Variants in PNMT observed in about 807,000 individuals in gnomAD.
The protein encoded by PNMT is phenylethanolamine N-methyltransferase.
Under a neutral mutation model 18.9 loss-of-function variants are expected in PNMT, and 18 were observed. That is an observed-to-expected ratio of 0.95 (90% CI 0.66 to 1.41). The LOEUF (loss-of-function observed/expected upper bound fraction) is 1.41, where lower values mean the gene tolerates loss of function less well. PNMT is among the 40% of genes most tolerant of loss of function. The pLI, the probability that PNMT is intolerant of heterozygous loss-of-function variation, is 0.00. For missense variants in PNMT, 378 were observed against 387.0 expected, an observed-to-expected ratio of 0.98 and a Z score of 0.20; for synonymous variants, 167 against 168.6, an observed-to-expected ratio of 0.99 and a Z score of 0.08.
Position 39,669,646 on chromosome 17 carries a change from A to G in PNMT, c.220A>G (p.Thr74Ala), listed in dbSNP as rs750742633. Reference protein sequence around the residue: ...TFATGEVSGRTLIDIGSGPTV... With the variant: ...TFATGEVSGRALIDIGSGPTV... ...CTGCCCAGGTGAAGTGTCCGGACGC[A>G]CCCTCATCGACATTGGTTCAGGCCC... is the stretch of plus-strand genomic sequence containing the variant. Residue 74 changes from threonine to alanine, a missense_variant, in exon 2 of 3, where the codon ACC (threonine) becomes GCC (alanine). Transcript: ENST00000269582. The G allele has an allele frequency of 2.5e-6, 4 of 1,613,932 alleles. No homozygotes were observed. The Admixed American group carries it at 6.7e-5, about 27-fold the overall frequency.
rs765721857 is a variant in PNMT at position 39,670,353 on chromosome 17, C to T, written c.813C>T (p.Gly271=). Residue 271 remains glycine, a synonymous_variant, in exon 3 of 3, where the codon GGC becomes GGT. Coordinates refer to ENST00000269582, the MANE Select transcript of PNMT (RefSeq NM_002686.4). The part of the protein sequence containing the change: ...HLQTGVDDVK[G]VFFAWAQKVG... Reference sequence around the variant, plus strand: ...AGACAGGCGTAGATGATGTCAAGGGCGTCTTCTTCGCCTGGGCTCAGAAGG... The same window carrying T: ...AGACAGGCGTAGATGATGTCAAGGGTGTCTTCTTCGCCTGGGCTCAGAAGG... 78 of 1,595,876 alleles carry T rather than the reference C, an allele frequency of 4.9e-5. No homozygotes were observed. In the Middle Eastern group the frequency reaches 5.0e-4, roughly 10 times the overall value.
At chr17:39,668,256 A>C, upstream of PNMT, 2 of 420,160 alleles carry the variant, frequency 4.8e-6, no homozygotes, top group East Asian at 3.8e-5. Context: ...GGTGTGGGGG[A>C]CGATTGCCGC....
chr17:39,668,385 GC>G (rs2057271304), upstream of PNMT: 1 of 1,121,382 alleles, frequency 8.9e-7, no homozygotes, highest in Non-Finnish European at 1.2e-6. Flanking sequence ...GTCAGCTGCC[GC>G]CCCCACAGCG....
Position 39,670,259 on chromosome 17 carries a change from G to A in PNMT, c.719G>A (p.Arg240Lys), listed in dbSNP as rs368193954. Residue 240 changes from arginine to lysine, a missense_variant, in exon 3 of 3, where the codon AGG becomes AAG. Transcript: ENST00000269582. Reference protein sequence around the residue: ...TVVPVSEEEVREALVRSGYKV... With the variant: ...TVVPVSEEEVKEALVRSGYKV... ...GTGCCAGTGTCTGAGGAGGAGGTGA[G>A]GGAGGCCCTGGTGCGTAGTGGCTAC... 3 of 1,609,200 alleles carry A rather than the reference G, an allele frequency of 1.9e-6. No individual in the cohort carries two copies. Among genetic ancestry groups the A allele is most frequent in the African/African-American group, 1.3e-5 (1 of 74,840 alleles).
At position 39,669,614 on chromosome 17, in the gene PNMT, C is replaced by T. The variant is rs2057281365; in HGVS notation, c.203-15C>T. Reference sequence around the variant, plus strand: ...GCTGGCTGGCACCAGGACCCTCTTCCTCTGCCCTGCCCAGGTGAAGTGTCC... The same window carrying T: ...GCTGGCTGGCACCAGGACCCTCTTCTTCTGCCCTGCCCAGGTGAAGTGTCC... On this transcript the variant is annotated splice_polypyrimidine_tract_variant and intron_variant, in intron 1 of 2. Transcript: ENST00000269582. 5 of 1,611,108 alleles carry T rather than the reference C, an allele frequency of 3.1e-6. No individual in the cohort carries two copies. In the East Asian group the frequency reaches 1.1e-4, roughly 36 times the overall value.
chr17:39,669,518 G>A (rs1289968905), intron 1 of PNMT, 111 bp from the exon 2 acceptor site: 1 of 756,008 alleles, frequency 1.3e-6, no homozygotes, highest in Non-Finnish European at 2.3e-6. Context: ...CATTTGCAGA[G>A]GAGAAGGAAG....
At chr17:39,669,043 C>T (rs1341161495) in intron 1 of PNMT, among the ~76,000 whole-genome samples, 1 of 151,908 alleles carries the variant, frequency 6.6e-6, no homozygotes, top group East Asian at 1.9e-4. Flanking sequence ...TGTTTTCTTT[C>T]TTTTTCTTTA....
At chr17:39,668,268 G>A (rs2057270543), upstream of PNMT, 1 of 435,738 alleles carries the variant, frequency 2.3e-6, no homozygotes, top group Non-Finnish European at 4.0e-6. Flanking sequence ...GATTGCCGCT[G>A]CAGCCGCCGC....
rs2057273579 is a variant in PNMT, at chr17:39,668,577, C to A, written c.102C>A (p.Ala34=). ...CCTACCAGCGCTTCGAGCCGCGCGC[C>A]TACCTCCGCAACAACTACGCGCCCC... ...ASAYQRFEPR[A]YLRNNYAPPR... The change falls in exon 1 of 3, where the codon GCC becomes GCA. Residue 34 remains alanine (A), a synonymous_variant. Coordinates refer to ENST00000269582, the MANE Select transcript of PNMT (RefSeq NM_002686.4). 6.3e-7 allele frequency: 1 copy of A among 1,595,982 alleles called. No individual in the cohort carries two copies.
Position 39,670,111 on chromosome 17 carries a change from C to G in PNMT, c.571C>G (p.Leu191Val). The part of the protein sequence containing the change: ...AFCLEAVSPD[L>V]ASFQRALDHI... ...CTGCTTGGAGGCTGTGAGCCCAGATCTTGCCAGCTTTCAGCGGGCCCTGGA... is the reference window on the plus strand; with the variant it reads ...CTGCTTGGAGGCTGTGAGCCCAGATGTTGCCAGCTTTCAGCGGGCCCTGGA... The change falls in exon 3 of 3, where the codon CTT becomes GTT. Residue 191 changes from leucine (L) to valine (V), a missense_variant. Transcript: ENST00000269582. 1 of 1,610,984 alleles carries G rather than the reference C, an allele frequency of 6.2e-7. No individual in the cohort carries two copies. The highest frequency in any genetic ancestry group is 8.5e-7 in the Non-Finnish European group (1 of 1,179,978).
At position 39,670,374 on chromosome 17, in the gene PNMT, G is replaced by A; in HGVS notation, c.834G>A (p.Gln278=). ...DVKGVFFAWA[Q]KVGL ...AGGGCGTCTTCTTCGCCTGGGCTCA[G>A]AAGGTTGGGCTGTGAGGGCTGTACC... The change falls in exon 3 of 3, where the codon CAG becomes CAA. Residue 278 remains glutamine (Q), a synonymous_variant. Coordinates refer to ENST00000269582, the MANE Select transcript of PNMT (RefSeq NM_002686.4). The A allele has an allele frequency of 6.3e-7, 1 of 1,585,310 alleles. No individual in the cohort carries two copies.
At chr17:39,668,287 C>A (rs1199661240), upstream of PNMT, 6 of 466,478 alleles carry the variant, frequency 1.3e-5, no homozygotes, top group African/African-American at 1.2e-4. Context: ...GCCCCACTCA[C>A]CTCCGGTGTG....
intron 1 of PNMT, 68 bp downstream of exon 1, chr17:39,668,745 T>G: frequency 1.5e-6 from 2 of 1,305,788 alleles, no homozygotes. Flanking sequence ...CGCAGGGAAA[T>G]AAAAAGAAGG....
At chr17:39,668,292 G>A (rs876493), upstream of PNMT, 245,622 of 466,844 alleles carry the variant, frequency 0.53, 67,211 homozygotes, top group South Asian at 0.6. Context: ...ACTCACCTCC[G>A]GTGTGTCTGC....
chr17:39,668,380 C>A, upstream of PNMT: 1 of 1,077,204 alleles, frequency 9.3e-7, no homozygotes, highest in Non-Finnish European at 1.2e-6. Flanking sequence ...CGGCGGTCAG[C>A]TGCCGCCCCC....
At position 39,670,355 on chromosome 17, in the gene PNMT, T is replaced by C; in HGVS notation, c.815T>C (p.Val272Ala). ...LQTGVDDVKG[V>A]FFAWAQKVGL ...ACAGGCGTAGATGATGTCAAGGGCG[T>C]CTTCTTCGCCTGGGCTCAGAAGGTT... is the stretch of plus-strand genomic sequence containing the variant. Residue 272 changes from valine to alanine, a missense_variant, in exon 3 of 3, where the codon GTC (valine) becomes GCC (alanine). By Grantham distance (64) the Val-to-Ala change is moderately conservative. Coordinates refer to ENST00000269582, the MANE Select transcript of PNMT (RefSeq NM_002686.4). The C allele has an allele frequency of 6.3e-7, 1 of 1,595,932 alleles. No individual in the cohort carries two copies. Among genetic ancestry groups the C allele is most frequent in the Non-Finnish European group, 8.6e-7 (1 of 1,168,748 alleles).
upstream of PNMT, chr17:39,668,249 G>A: frequency 2.4e-6 from 1 of 424,864 alleles, no homozygotes; most frequent in Non-Finnish European, 4.1e-6. Context: ...AGCCGGGGGT[G>A]TGGGGGACGA....
chr17:39,669,016 T>C (rs1249543015), intron 1 of PNMT, among the ~76,000 whole-genome samples: 1 of 152,190 alleles, frequency 6.6e-6, no homozygotes, highest in Non-Finnish European at 1.5e-5. Context: ...TCGCTGAGCC[T>C]GGCTGGTAGG....
chr17:39,668,745 T>A, intron 1 of PNMT, 68 bp downstream of exon 1: 1 of 1,305,780 alleles, frequency 7.7e-7, no homozygotes, highest in Non-Finnish European at 1.1e-6. Context: ...CGCAGGGAAA[T>A]AAAAAGAAGG....
Sources: allele counts gnomAD v4.1 joint callset (sites outside exome capture counted in the v4.1 genomes callset), GRCh38; gene constraint gnomAD v4.1.1; transcripts MANE v1.5; gene names NCBI Gene and HGNC (gene_info 2026-07-23, HGNC 2026-07-21).